IL17B: variants seen among roughly 807,000 people sequenced by gnomAD.
IL17B encodes interleukin-17B.
A neutral mutation model predicts 14.7 loss-of-function variants in IL17B; 14 were observed. The ratio of observed to expected loss-of-function variants is 0.95; its 90% CI spans 0.63 to 1.49. IL17B has a LOEUF of 1.49. Among genes scored for constraint, IL17B ranks in the 40% most tolerant of loss-of-function variants. The probability of loss-of-function intolerance (pLI) is 0.00; values close to 1 mark genes in which losing one functional copy is unlikely to be tolerated. For synonymous variants in IL17B, 105 were observed against 94.8 expected, an observed-to-expected ratio of 1.11 and a Z score of -0.62; for missense variants, 233 against 252.8, an observed-to-expected ratio of 0.92 and a Z score of 0.53.
Position 149,379,211 on chromosome 5 carries a change from G to T in IL17B, c.15C>A (p.His5Gln), listed in dbSNP as rs147405895. ...GCAGGGAAGCGCCACGTACCAGGTT[G>T]TGAGGCCAGTCCATTCCGCCAAGCT... Reference protein sequence around the residue: MDWPHNLLFLLTISI... With the variant: MDWPQNLLFLLTISI... Residue 5 changes from histidine (H) to glutamine (Q), a missense_variant, in exon 1 of 3, where the codon CAC (histidine) becomes CAA (glutamine). By Grantham distance (24) the His-to-Gln change is conservative. Transcript: ENST00000261796. 1 of 1,614,082 alleles carries T rather than the reference G, an allele frequency of 6.2e-7. No homozygotes were observed. Among genetic ancestry groups the T allele is most frequent in the South Asian group, 1.1e-5 (1 of 91,088 alleles).
chr5:149,385,068 C>T lies in IL17B; in HGVS notation n.96-8043G>A, dbSNP rs188909309. ...AGCTAGGATTACAGGCATGCGCCAC[C>T]ATGCCCAGCTAATTTTTGTATTTTT... is the stretch of plus-strand genomic sequence containing the variant. On this transcript the variant is annotated intron_variant and non_coding_transcript_variant, in intron 1 of 2. Transcript: ENST00000505432. Among the ~76,000 whole-genome samples, 375 of 152,046 alleles carry T rather than the reference C, an allele frequency of 2.5e-3. 2 individuals are homozygous for T. The highest frequency in any genetic ancestry group is 8.7e-3 in the African/African-American group (362 of 41,528).
chr5:149,377,869 C>T (rs1758586407), intron 1 of IL17B, among the ~76,000 whole-genome samples: 2 of 152,002 alleles, frequency 1.3e-5, no homozygotes, highest in Admixed American at 6.6e-5. Context: ...TGTGGCCGGG[C>T]GTGGTGGCTC....
At chr5:149,401,973 A>C (rs796231415) in intron 1 of IL17B, among the ~76,000 whole-genome samples, 9 of 152,272 alleles carry the variant, frequency 5.9e-5, no homozygotes, top group African/African-American at 2.2e-4. Flanking sequence ...TGCACTGTTC[A>C]GGGTGCAATT....
intron 1 of IL17B, among the ~76,000 whole-genome samples, chr5:149,402,142 C>G (rs1759216366): frequency 6.6e-6 from 1 of 152,170 alleles, no homozygotes; most frequent in South Asian, 2.1e-4. Context: ...AAGGAGGTGT[C>G]CAGACCCATG....
intron 1 of IL17B, among the ~76,000 whole-genome samples, chr5:149,377,510 C>T (rs1246992274): frequency 3.3e-5 from 5 of 152,214 alleles, no homozygotes; most frequent in Admixed American, 2.0e-4. Flanking sequence ...TCATATCTCC[C>T]GTGTCTGCGT....
At chr5:149,382,668 G>T (rs1255407803), upstream of IL17B, among the ~76,000 whole-genome samples, 3 of 152,238 alleles carry the variant, frequency 2.0e-5, no homozygotes, top group Non-Finnish European at 2.9e-5. Context: ...GGAGTAAGGA[G>T]AGGGGCGGCA....
upstream of IL17B, among the ~76,000 whole-genome samples, chr5:149,381,365 C>T (rs116596086): frequency 8.0e-3 from 1,223 of 152,340 alleles, 13 homozygotes; most frequent in African/African-American, 0.028. Context: ...GGGAGCTACA[C>T]GGGTCCTCAC....
intron 1 of IL17B, among the ~76,000 whole-genome samples, chr5:149,386,655 C>G (rs1258218977): frequency 1.3e-5 from 2 of 152,184 alleles, no homozygotes; most frequent in Non-Finnish European, 2.9e-5. Flanking sequence ...AGGGTTCATT[C>G]CAATTCATTT....
chr5:149,375,321 C>A (rs1055170194), intron 2 of IL17B, among the ~76,000 whole-genome samples: 2 of 152,176 alleles, frequency 1.3e-5, no homozygotes, highest in East Asian at 1.9e-4. Context: ...CTCTCCTTTT[C>A]TGCACCTCGG....
chr5:149,382,030 C>T (rs1026018169), upstream of IL17B, among the ~76,000 whole-genome samples: 1 of 152,200 alleles, frequency 6.6e-6, no homozygotes, highest in Non-Finnish European at 1.5e-5. Context: ...GCAGCAGGCC[C>T]CGCCAGGAGC....
At chr5:149,390,550 G>A (rs895933642) in intron 1 of IL17B, among the ~76,000 whole-genome samples, 2 of 133,360 alleles carry the variant, frequency 1.5e-5, no homozygotes, top group Non-Finnish European at 3.1e-5. Flanking sequence ...CATGTCCCAA[G>A]TTTTCCAAAT....
At chr5:149,383,141 A>T (rs990397029), upstream of IL17B, among the ~76,000 whole-genome samples, 4 of 152,238 alleles carry the variant, frequency 2.6e-5, no homozygotes, top group Non-Finnish European at 5.9e-5. Flanking sequence ...CTTGGCTCTC[A>T]GTGGATTGTT....
chr5:149,402,282 G>A (rs1759220546), intron 1 of IL17B, among the ~76,000 whole-genome samples: 1 of 152,146 alleles, frequency 6.6e-6, no homozygotes, highest in East Asian at 1.9e-4. Flanking sequence ...AGTGGAAGAC[G>A]GTGCTCCCCC....
At chr5:149,402,502 G>A (rs971690907) in intron 1 of IL17B, among the ~76,000 whole-genome samples, 1 of 151,966 alleles carries the variant, frequency 6.6e-6, no homozygotes, top group African/African-American at 2.4e-5. Flanking sequence ...CTACCTTTGG[G>A]CACTCCACAG....
At chr5:149,383,481 G>A (rs927408836), upstream of IL17B, among the ~76,000 whole-genome samples, 13 of 152,188 alleles carry the variant, frequency 8.5e-5, no homozygotes, top group Admixed American at 7.2e-4. Context: ...GAGGCTAGTC[G>A]GCGCCTTTGC....
rs1759180545 is a variant in IL17B, at chr5:149,400,273, TCAGGGCGATACATCTA to T, written n.95+3819_95+3834del. On this transcript the variant is annotated intron_variant and non_coding_transcript_variant, in intron 1 of 2. Transcript: ENST00000505432. ...CACCATGAGAAGATGAAAGCAGATATCAGGGCGATACATCTACAAGCCAAGAAAGGCCAAAGATTGC... is the reference window on the plus strand; with the variant it reads ...CACCATGAGAAGATGAAAGCAGATATCAAGCCAAGAAAGGCCAAAGATTGC... Among the ~76,000 whole-genome samples, 3 of 151,200 alleles carry T rather than the reference TCAGGGCGATACATCTA, an allele frequency of 2.0e-5. No individual in the cohort carries two copies. In the East Asian group the frequency reaches 5.8e-4, roughly 29 times the overall value.
intron 1 of IL17B, among the ~76,000 whole-genome samples, chr5:149,402,388 C>T (rs1228245734): frequency 6.6e-6 from 1 of 152,104 alleles, no homozygotes. Flanking sequence ...CCATTGTTCC[C>T]CTTCCCATAA....
chr5:149,396,575 G>C (rs1403505606), intron 1 of IL17B, among the ~76,000 whole-genome samples: 1 of 152,156 alleles, frequency 6.6e-6, no homozygotes, highest in Non-Finnish European at 1.5e-5. Flanking sequence ...GGGCAACATG[G>C]AGAAATCCCA....
Position 149,374,396 on chromosome 5 carries a change from G to A in IL17B, c.516C>T (p.Ile172=), listed in dbSNP as rs1277963027. Residue 172 remains isoleucine (I), a synonymous_variant, in exon 3 of 3, where the codon ATC becomes ATT. Transcript: ENST00000261796. This position sits in a 1 kb window ranked among gnomAD's most constrained non-coding sequence, Gnocchi z 5.0. The stretch of plus-strand genomic sequence containing the variant: ...AGAAGATGCAGGTGCAGCCCACAGC[G>A]ATGGTCTCCATGACTGCGCGCTGGC... ...PCRQRAVMET[I]AVGCTCIF The A allele has an allele frequency of 6.3e-6, 10 of 1,591,926 alleles. No homozygotes were observed. The highest frequency in any genetic ancestry group is 2.2e-5 in the East Asian group (1 of 44,520).
Sources: gnomAD v4.1 joint callset for allele counts (sites outside exome capture counted in the v4.1 genomes callset) on GRCh38, gnomAD v4.1.1 for gene constraint, Gnocchi (gnomAD v3.1) non-coding constraint, MANE v1.5 for transcripts, NCBI Gene and HGNC (gene_info 2026-07-23, HGNC 2026-07-21) for gene names.